The following SEMA3A variants were observed in gnomAD, a reference collection of about 807,000 sequenced individuals.
SEMA3A encodes semaphorin 3A, also known as semaphorin-3A.
SEMA3A carries 29 observed loss-of-function variants against 97.9 expected under a neutral mutation model. The ratio of observed to expected loss-of-function variants is 0.30; its 90% confidence interval spans 0.22 to 0.40. The LOEUF is 0.40. Among genes scored for constraint, SEMA3A ranks in the 10% least tolerant of loss-of-function variants. The pLI is 1.00. For synonymous variants in SEMA3A, 321 were observed against 323.7 expected, an observed-to-expected ratio of 0.99 and a Z score of 0.09; for missense variants, 763 against 951.3, an observed-to-expected ratio of 0.80 and a Z score of 2.60.
chr7:84,304,455 A>G (rs1015237905), intron 3 of SEMA3A, among the ~76,000 whole-genome samples: 2 of 152,098 alleles, frequency 1.3e-5, no homozygotes, highest in African/African-American at 4.8e-5. Flanking sequence ...AAGAAAAATA[A>G]GACTTTACTC....
At chr7:84,150,328 C>G (rs1246757031) in intron 1 of SEMA3A, among the ~76,000 whole-genome samples, 1 of 152,158 alleles carries the variant, frequency 6.6e-6, no homozygotes, top group Non-Finnish European at 1.5e-5. Flanking sequence ...ATCTGAGGTA[C>G]CGGGTTCATC....
At chr7:84,107,212 C>T (rs1014873984) in intron 4 of SEMA3A, among the ~76,000 whole-genome samples, 1 of 152,126 alleles carries the variant, frequency 6.6e-6, no homozygotes, top group African/African-American at 2.4e-5. Context: ...TACACTGTCT[C>T]TTTTTTTCAA....
chr7:84,292,448 G>A lies in SEMA3A; in HGVS notation c.-83+14759C>T, dbSNP rs577162050. Among the ~76,000 whole-genome samples, 6 of 149,272 alleles carry A rather than the reference G, an allele frequency of 4.0e-5. 1 individual carries two copies. Among genetic ancestry groups the A allele is most frequent in the African/African-American group, 1.2e-4 (5 of 40,304 alleles). On this transcript the variant is annotated intron_variant, in intron 3 of 3. Coordinates refer to the SEMA3A transcript ENST00000424555. The stretch of plus-strand genomic sequence containing the variant: ...GAATACTTGACTAAAAAAAAAAAAC[G>A]ATTACCACATTATGCAACCATTTCT...
At chr7:84,281,405 T>G (rs1800436851) in intron 3 of SEMA3A, among the ~76,000 whole-genome samples, 1 of 152,110 alleles carries the variant, frequency 6.6e-6, no homozygotes, top group South Asian at 2.1e-4. Flanking sequence ...ATTCAAGGAC[T>G]TACATGGAAA....
upstream of SEMA3A, among the ~76,000 whole-genome samples, chr7:84,197,313 G>A (rs993706609): frequency 2.0e-5 from 3 of 152,008 alleles, no homozygotes; most frequent in South Asian, 2.1e-4. Flanking sequence ...ATTTATATTT[G>A]CTTTTCTGCA....
At chr7:84,158,879 A>T (rs117781758) in intron 1 of SEMA3A, among the ~76,000 whole-genome samples, 1,860 of 149,938 alleles carry the variant, frequency 0.012, 11 homozygotes, top group Middle Eastern at 0.031. Flanking sequence ...AAATTTGTAG[A>T]TTTTCTTTAA....
intron 4 of SEMA3A, among the ~76,000 whole-genome samples, chr7:84,076,288 A>G (rs1447157683): frequency 6.6e-6 from 1 of 152,166 alleles, no homozygotes; most frequent in Non-Finnish European, 1.5e-5. Context: ...TTTTATCCTC[A>G]TAATGCCCCT....
chr7:84,229,570 A>AT (rs1799069987), intron 3 of SEMA3A, among the ~76,000 whole-genome samples: 1 of 152,100 alleles, frequency 6.6e-6, no homozygotes, highest in African/African-American at 2.4e-5. Flanking sequence ...ATGAAATCTT[A>AT]TGGCCTCTAT....
At chr7:84,160,331 A>G (rs1451984767) in intron 1 of SEMA3A, among the ~76,000 whole-genome samples, 1 of 151,850 alleles carries the variant, frequency 6.6e-6, no homozygotes, top group Non-Finnish European at 1.5e-5. Context: ...TATATATATT[A>G]ACCTTAAAAT....
At chr7:84,441,523 T>A (rs568025149) in intron 1 of SEMA3A, among the ~76,000 whole-genome samples, 17 of 150,686 alleles carry the variant, frequency 1.1e-4, no homozygotes, top group Non-Finnish European at 1.5e-4. Context: ...GAAAAAAAAA[T>A]TAAAAACTGA....
At chr7:84,151,401 T>C (rs1374362345) in intron 1 of SEMA3A, among the ~76,000 whole-genome samples, 61 of 151,490 alleles carry the variant, frequency 4.0e-4, no homozygotes, top group Non-Finnish European at 7.2e-4. Flanking sequence ...TTAAAGGAGC[T>C]GATGGAGCTG....
At chr7:84,402,299 T>C (rs1024185910) in intron 1 of SEMA3A, among the ~76,000 whole-genome samples, 27 of 152,146 alleles carry the variant, frequency 1.8e-4, no homozygotes, top group African/African-American at 6.3e-4. Flanking sequence ...TCAAATATCA[T>C]CTCATCCTAG....
intron 1 of SEMA3A, among the ~76,000 whole-genome samples, chr7:84,380,100 T>A (rs1225870677): frequency 6.6e-6 from 1 of 152,180 alleles, no homozygotes; most frequent in African/African-American, 2.4e-5. Flanking sequence ...TCAGCATATG[T>A]TCCCAAATAA....
chr7:84,276,898 A>T (rs1156353353), intron 3 of SEMA3A, among the ~76,000 whole-genome samples: 1 of 152,154 alleles, frequency 6.6e-6, no homozygotes, highest in Non-Finnish European at 1.5e-5. Context: ...AATAAATACG[A>T]AACTTAAATA....
At position 84,019,387 on chromosome 7, in the gene SEMA3A, GA is replaced by G. The variant is rs36003945; in HGVS notation, c.668-5037del. Among the ~76,000 whole-genome samples the G allele has an allele frequency of 6.6e-3, 887 of 133,744 alleles. 7 individuals carry two copies. Among genetic ancestry groups the G allele is most frequent in the African/African-American group, 0.023 (845 of 36,014 alleles). The allele number at this position is 133,744 out of a possible 152,430, so 87.7% of individuals were successfully genotyped here. A position where few individuals can be genotyped will look rare whatever the true frequency, so the allele number is the denominator to read the frequency against. ...TGATTAGGAGTGTACAGAGTAAAAAGAAAAAAAAAAAGAGAAGAGAAACTAA... is the reference window on the plus strand; with the variant it reads ...TGATTAGGAGTGTACAGAGTAAAAAGAAAAAAAAAAGAGAAGAGAAACTAA... On this transcript the variant is annotated intron_variant, in intron 6 of 16. Coordinates refer to ENST00000265362, the MANE Select transcript of SEMA3A (RefSeq NM_006080.3).
At position 84,121,881 on chromosome 7, in the gene SEMA3A, C is replaced by T. The variant is rs1483254942; in HGVS notation, c.333+7242G>A. ...GTCTCGATCTCTTGACCTCGTGATC[C>T]GCCCGCCTCGGCCTCCCAAAGTGCT... On this transcript the variant is annotated intron_variant, in intron 3 of 16. Coordinates refer to ENST00000265362, the MANE Select transcript of SEMA3A (RefSeq NM_006080.3). 1.7e-4 allele frequency among the ~76,000 whole-genome samples: 8 copies of T among 48,262 alleles called. 4 individuals are homozygous for T. The highest frequency in any genetic ancestry group is 2.5e-4 in the Non-Finnish European group (6 of 24,314). 31.7% of individuals were successfully genotyped at this position (48,262 alleles called of 152,430 possible).
chr7:84,183,601 T>C (rs1056256683), intron 1 of SEMA3A, among the ~76,000 whole-genome samples: 3 of 152,118 alleles, frequency 2.0e-5, no homozygotes, highest in African/African-American at 7.2e-5. Flanking sequence ...AAGTAGGTAC[T>C]TGGATACTAT....
intron 3 of SEMA3A, among the ~76,000 whole-genome samples, chr7:84,213,735 A>C (rs529019773): frequency 6.6e-6 from 1 of 152,312 alleles, no homozygotes; most frequent in East Asian, 1.9e-4. Context: ...ATTTAATTCC[A>C]AGAAAATAGA....
chr7:84,193,905 T>C (rs561054562), intron 1 of SEMA3A, among the ~76,000 whole-genome samples: 41 of 152,280 alleles, frequency 2.7e-4, no homozygotes, highest in Middle Eastern at 6.8e-3. Context: ...AAATACAGTC[T>C]TTTGTACAAT....
Sources: gnomAD v4.1 joint callset for allele counts (sites outside exome capture counted in the v4.1 genomes callset) on GRCh38, gnomAD v4.1.1 for gene constraint, MANE v1.5 for transcripts, NCBI Gene and HGNC (gene_info 2026-07-23, HGNC 2026-07-21) for gene names.